Variants in MYT1L observed in about 807,000 individuals in gnomAD.
MYT1L encodes myelin transcription factor 1-like protein.
In MYT1L, 12 loss-of-function variants were observed where a neutral mutation model predicts 126.7. The observed-to-expected ratio is 0.09, with a 90% CI of 0.06 to 0.15. The LOEUF (loss-of-function observed/expected upper bound fraction) is 0.15. Among genes scored for constraint, MYT1L ranks in the 10% least tolerant of loss-of-function variants. The pLI is 1.00. For synonymous variants in MYT1L, 541 were observed against 604.2 expected, an observed-to-expected ratio of 0.90 and a Z score of 1.53; for missense variants, 979 against 1,585.2, an observed-to-expected ratio of 0.62 and a Z score of 6.49.
At position 2,139,095 on chromosome 2, in the gene MYT1L, C is replaced by T. The variant is rs530884039; in HGVS notation, c.-304+33777G>A. Among the ~76,000 whole-genome samples, 113 of 151,954 alleles carry T rather than the reference C, an allele frequency of 7.4e-4. 1 individual carries two copies. The highest frequency in any genetic ancestry group is 1.1e-3 in the Admixed American group (17 of 15,248). On this transcript the variant is annotated intron_variant, in intron 3 of 24. Coordinates refer to ENST00000647738, the MANE Select transcript of MYT1L (RefSeq NM_001303052.2). ...CCAGAATAGGATGAGGACACCGAGA[C>T]CAGCATCTGGTCTACCAAGAGGCGT...
In MYT1L at chr2:2,079,811, C is replaced by CA. The variant is rs1021232397; in HGVS notation, c.-303-25689dup. The stretch of plus-strand genomic sequence containing the variant: ...TGGGCAACAGAGTGAGACTCCGTCT[C>CA]AAAAAAAAAAAAGAAAGAAAGAAAA... On this transcript the variant is annotated intron_variant, in intron 3 of 24. Coordinates refer to ENST00000647738, the MANE Select transcript of MYT1L (RefSeq NM_001303052.2). Among the ~76,000 whole-genome samples, 165 of 98,678 alleles carry CA rather than the reference C, an allele frequency of 1.7e-3. No individual in the cohort carries two copies. The East Asian group carries it at 0.018, about 11-fold the overall frequency. The allele number at this position is 98,678 out of a possible 152,430, so 64.7% of individuals were successfully genotyped here. A position where few individuals can be genotyped will look rare whatever the true frequency, so the allele number is the denominator to read the frequency against.
intron 8 of MYT1L, among the ~76,000 whole-genome samples, chr2:1,968,340 A>G (rs909629599): frequency 6.6e-6 from 1 of 152,176 alleles, no homozygotes; most frequent in Admixed American, 6.5e-5. Context: ...GGTCGAGGGA[A>G]TAACAAGGTG....
intron 1 of MYT1L, among the ~76,000 whole-genome samples, chr2:2,294,193 G>T (rs1343300345): frequency 6.6e-6 from 1 of 152,196 alleles, no homozygotes; most frequent in Non-Finnish European, 1.5e-5. Flanking sequence ...CACAGGTGAC[G>T]GTTAGCGACT....
At chr2:1,949,828 G>C (rs143984711) in intron 8 of MYT1L, among the ~76,000 whole-genome samples, 1 of 152,286 alleles carries the variant, frequency 6.6e-6, no homozygotes, top group Non-Finnish European at 1.5e-5. Flanking sequence ...AGTCGGCTCA[G>C]AGGCCTGACA....
At chr2:1,948,442 A>T (rs558842661) in intron 8 of MYT1L, among the ~76,000 whole-genome samples, 6 of 152,268 alleles carry the variant, frequency 3.9e-5, no homozygotes, top group Non-Finnish European at 4.4e-5. Context: ...GGCACATTCC[A>T]TTACATCTGT....
chr2:1,844,015 G>A (rs745945468), intron 19 of MYT1L, among the ~76,000 whole-genome samples: 5 of 152,190 alleles, frequency 3.3e-5, no homozygotes, highest in Non-Finnish European at 5.9e-5. Context: ...GTCTGTTGGT[G>A]AGAAGAGGCC....
At chr2:2,000,792 A>G (rs12478644) in intron 4 of MYT1L, among the ~76,000 whole-genome samples, 66,073 of 151,996 alleles carry the variant, frequency 0.43, 16,988 homozygotes, top group African/African-American at 0.73. Flanking sequence ...TGTCAGAAAT[A>G]TTTATTTCAC....
intron 4 of MYT1L, among the ~76,000 whole-genome samples, chr2:2,036,618 T>G (rs1021565383): frequency 2.0e-5 from 3 of 152,240 alleles, no homozygotes; most frequent in Non-Finnish European, 2.9e-5. Flanking sequence ...GTCCCCCATA[T>G]CACTGAGTCT....
intron 2 of MYT1L, among the ~76,000 whole-genome samples, chr2:2,221,330 T>C (rs1455939027): frequency 1.3e-5 from 2 of 152,138 alleles, no homozygotes; most frequent in African/African-American, 4.8e-5. Context: ...GTGCACCTCT[T>C]GGATTATTAG....
At chr2:2,213,473 G>C (rs1379907884) in intron 2 of MYT1L, among the ~76,000 whole-genome samples, 1 of 152,164 alleles carries the variant, frequency 6.6e-6, no homozygotes, top group African/African-American at 2.4e-5. Context: ...TCTATGAGGA[G>C]ACTGCCTGAG....
intron 4 of MYT1L, among the ~76,000 whole-genome samples, chr2:2,039,278 C>A (rs1319113673): frequency 6.6e-6 from 1 of 152,062 alleles, no homozygotes; most frequent in African/African-American, 2.4e-5. Flanking sequence ...TGACTGGCAC[C>A]TGTAGTCTCA....
rs186589929 is a variant in MYT1L, at chr2:1,792,105, T to A, written c.3421-98A>T. On this transcript the variant is annotated intron_variant, in intron 24 of 24. Transcript: ENST00000647738. The stretch of plus-strand genomic sequence containing the variant: ...AGTATCATAGCATAGTGCCCCTGGT[T>A]TTATACTATTTCAAAGGCCGGCTCA... The A allele has an allele frequency of 3.7e-5, 45 of 1,211,492 alleles. No homozygotes were observed. The East Asian group carries it at 8.0e-4, about 22-fold the overall frequency. 75.0% of individuals were successfully genotyped at this position (1,211,492 alleles called of 1,614,324 possible). A position where few individuals can be genotyped will look rare whatever the true frequency, so the allele number is the denominator to read the frequency against.
At chr2:1,989,997 C>CA (rs767390442) in intron 5 of MYT1L, among the ~76,000 whole-genome samples, 31 of 151,852 alleles carry the variant, frequency 2.0e-4, no homozygotes, top group Non-Finnish European at 3.1e-4. Flanking sequence ...AACTCCGTCT[C>CA]AAAAAAAACC....
At chr2:2,062,690 G>C (rs1264424005) in intron 3 of MYT1L, among the ~76,000 whole-genome samples, 1 of 152,148 alleles carries the variant, frequency 6.6e-6, no homozygotes, top group Non-Finnish European at 1.5e-5. Context: ...ACTAATATTT[G>C]TCTGAGCAAA....
intron 4 of MYT1L, among the ~76,000 whole-genome samples, chr2:2,039,379 G>A (rs7594297): frequency 0.1 from 15,213 of 151,644 alleles, 953 homozygotes; most frequent in African/African-American, 0.18. Context: ...CTCCAGCCAG[G>A]GCAACAGAAT....
intron 2 of MYT1L, among the ~76,000 whole-genome samples, chr2:2,270,881 T>C (rs2095250113): frequency 6.6e-6 from 1 of 151,978 alleles, no homozygotes; most frequent in African/African-American, 2.4e-5. Context: ...CCTTCCTCTT[T>C]AAAAATCGGC....
chr2:2,182,569 T>C (rs758461452), intron 2 of MYT1L, among the ~76,000 whole-genome samples: 5 of 152,142 alleles, frequency 3.3e-5, no homozygotes, highest in Admixed American at 6.5e-5. Flanking sequence ...ACAGTAGCAA[T>C]TGCCTGGATT....
chr2:1,964,655 T>C (rs760860524), intron 8 of MYT1L, among the ~76,000 whole-genome samples: 8 of 152,234 alleles, frequency 5.3e-5, no homozygotes, highest in African/African-American at 9.6e-5. Context: ...TGTGTTATTA[T>C]ACATTTTTAG....
At chr2:1,794,480 T>C (rs2032979218) in intron 23 of MYT1L, among the ~76,000 whole-genome samples, 1 of 152,226 alleles carries the variant, frequency 6.6e-6, no homozygotes, top group African/African-American at 2.4e-5. Flanking sequence ...GCCTGTGATC[T>C]GGTCTTAGGG....
Sources: gnomAD v4.1 joint callset for allele counts (sites outside exome capture counted in the v4.1 genomes callset) on GRCh38, gnomAD v4.1.1 for gene constraint, MANE v1.5 for transcripts, NCBI Gene and HGNC (gene_info 2026-07-23, HGNC 2026-07-21) for gene names.